The following PIP5K1B variants were observed in gnomAD, a reference collection of about 807,000 sequenced individuals.
PIP5K1B encodes the protein phosphatidylinositol 4-phosphate 5-kinase type-1 beta.
In PIP5K1B, 42 loss-of-function variants were observed where a neutral mutation model predicts 67.0. That is an observed-to-expected ratio of 0.63 (90% confidence interval 0.49 to 0.81). The LOEUF is 0.81. Among genes scored for constraint, PIP5K1B ranks in the 30% least tolerant of loss-of-function variants. PIP5K1B has a pLI of 0.00. For synonymous variants in PIP5K1B, 214 were observed against 231.4 expected (o/e 0.92, Z 0.68); for missense variants, 459 against 646.3 (o/e 0.71, Z 3.14).
intron 6 of PIP5K1B, among the ~76,000 whole-genome samples, chr9:68,886,661 AAG>A (rs1824492812): frequency 6.6e-6 from 1 of 152,222 alleles, no homozygotes; most frequent in African/African-American, 2.4e-5. Flanking sequence ...CGGAACCAGG[AAG>A]AGTTTTCCAG....
At chr9:68,948,374 C>T (rs1366143269) in intron 14 of PIP5K1B, among the ~76,000 whole-genome samples, 1 of 152,168 alleles carries the variant, frequency 6.6e-6, no homozygotes, top group Middle Eastern at 3.2e-3. Flanking sequence ...GCTCATGCCT[C>T]TAATCCCAGC....
chr9:68,916,855 G>A (rs1389962093), intron 8 of PIP5K1B, among the ~76,000 whole-genome samples: 2 of 150,390 alleles, frequency 1.3e-5, no homozygotes, highest in Non-Finnish European at 3.0e-5. Flanking sequence ...CTGGGCGACA[G>A]GGCGAGACTC....
At chr9:68,817,335 T>C (rs2132050525) in intron 2 of PIP5K1B, among the ~76,000 whole-genome samples, 1 of 152,362 alleles carries the variant, frequency 6.6e-6, no homozygotes, top group South Asian at 2.1e-4. Context: ...ATTCAAATAG[T>C]TAACATGCTT....
At chr9:68,803,812 A>T (rs1832727797) in intron 2 of PIP5K1B, among the ~76,000 whole-genome samples, 1 of 152,226 alleles carries the variant, frequency 6.6e-6, no homozygotes, top group Non-Finnish European at 1.5e-5. Flanking sequence ...TAGGCAAATG[A>T]CAGTGTTGGC....
At chr9:68,828,639 C>T (rs1482913176) in intron 4 of PIP5K1B, among the ~76,000 whole-genome samples, 1 of 152,172 alleles carries the variant, frequency 6.6e-6, no homozygotes, top group African/African-American at 2.4e-5. Context: ...GATAATAGCT[C>T]AGAGACACTT....
At chr9:68,725,947 A>C (rs1230232149) in intron 1 of PIP5K1B, among the ~76,000 whole-genome samples, 5 of 152,216 alleles carry the variant, frequency 3.3e-5, no homozygotes, top group Admixed American at 2.6e-4. Context: ...TACAAGGATG[A>C]TTAGTGTTTT....
chr9:68,741,990 G>A (rs780924064), intron 1 of PIP5K1B, among the ~76,000 whole-genome samples: 4 of 152,190 alleles, frequency 2.6e-5, no homozygotes, highest in African/African-American at 4.8e-5. Context: ...AATCTTAGCT[G>A]AGGTTAGAAG....
intron 1 of PIP5K1B, 171 bp downstream of exon 1, chr9:68,705,933 A>T (rs981891511): frequency 5.3e-5 from 8 of 151,970 alleles, no homozygotes; most frequent in Admixed American, 5.2e-4. Flanking sequence ...ACCGAAGCGG[A>T]CCTTCGTTCC....
intron 14 of PIP5K1B, among the ~76,000 whole-genome samples, chr9:68,953,805 TAAAAAAAAAAA>T (rs71353095): frequency 0.23 from 25,034 of 108,932 alleles, 2,441 homozygotes; most frequent in East Asian, 0.47. Flanking sequence ...GACTCTGTCT[TAAAAAAAAAAA>T]AAAAAAAAAA....
At chr9:68,718,573 G>A (rs574309143) in intron 1 of PIP5K1B, among the ~76,000 whole-genome samples, 2 of 152,312 alleles carry the variant, frequency 1.3e-5, no homozygotes, top group South Asian at 4.1e-4. Context: ...TGGGCAGGCT[G>A]TTTTACTTCT....
chr9:68,951,088 T>A (rs1490748823), intron 14 of PIP5K1B, among the ~76,000 whole-genome samples: 2 of 152,244 alleles, frequency 1.3e-5, no homozygotes, highest in African/African-American at 2.4e-5. Context: ...AAACTCTCCA[T>A]TCAGAATAAT....
intron 14 of PIP5K1B, chr9:68,964,006 C>T (rs2132767811): frequency 6.6e-6 from 1 of 152,142 alleles, no homozygotes; most frequent in East Asian, 1.9e-4. Flanking sequence ...CTTAATTTTC[C>T]CCCATCTCAC....
At position 68,705,646 on chromosome 9, in the gene PIP5K1B, G is replaced by T. The variant is rs1223011216; in HGVS notation, c.-359G>T. 3.8e-5 allele frequency: 2 copies of T among 52,478 alleles called. No individual in the cohort carries two copies. The allele number at this position is 52,478 out of a possible 1,614,324, so 3.3% of individuals were successfully genotyped here. On this transcript the variant is annotated 5_prime_UTR_variant, in exon 1 of 16. Transcript: ENST00000265382. The stretch of plus-strand genomic sequence containing the variant: ...CCCTCCCGCCCCTCCCGCCCCTCCC[G>T]CCCCTCGCCTGCACTGCTCTCCCTT...
At chr9:68,734,447 A>G (rs1053198452) in intron 1 of PIP5K1B, among the ~76,000 whole-genome samples, 1 of 152,234 alleles carries the variant, frequency 6.6e-6, no homozygotes, top group Non-Finnish European at 1.5e-5. Flanking sequence ...GGGAAGGACC[A>G]TAAGAACAAA....
intron 8 of PIP5K1B, among the ~76,000 whole-genome samples, chr9:68,898,916 A>G (rs1241568190): frequency 6.6e-6 from 1 of 152,186 alleles, no homozygotes; most frequent in Non-Finnish European, 1.5e-5. Context: ...CTGCTGCCAG[A>G]CTGATCCTCT....
At chr9:68,814,005 G>A (rs947626696) in intron 2 of PIP5K1B, among the ~76,000 whole-genome samples, 14 of 152,144 alleles carry the variant, frequency 9.2e-5, no homozygotes, top group African/African-American at 2.2e-4. Flanking sequence ...GATGAGGGAA[G>A]GCGCACAAAA....
chr9:68,781,200 G>A, intron 2 of PIP5K1B: 1 of 817,164 alleles, frequency 1.2e-6, no homozygotes, highest in Non-Finnish European at 1.9e-6. Flanking sequence ...GGTTCCTTTG[G>A]ATACCCTTGA....
intron 2 of PIP5K1B, among the ~76,000 whole-genome samples, chr9:68,761,039 G>GGA (rs143971905): frequency 2.7e-4 from 41 of 151,556 alleles, no homozygotes; most frequent in South Asian, 8.3e-4. Flanking sequence ...GAGAATAATT[G>GGA]GAGAGAGAGA....
At position 68,752,091 on chromosome 9, in the gene PIP5K1B, G is replaced by T. The variant is rs150445953; in HGVS notation, c.-86+9434G>T. 6.9e-3 allele frequency among the ~76,000 whole-genome samples: 1,046 copies of T among 151,920 alleles called. 11 individuals carry two copies. The highest frequency in any genetic ancestry group is 0.024 in the African/African-American group (988 of 41,416). On this transcript the variant is annotated intron_variant, in intron 2 of 15. Transcript: ENST00000265382. ...GTATATCCAACATGCTTGTTTTCTC[G>T]TTTATAAAATTCAGTTATTCCAACT...
Sources: allele counts gnomAD v4.1 joint callset (sites outside exome capture counted in the v4.1 genomes callset), GRCh38; gene constraint gnomAD v4.1.1; transcripts MANE v1.5; gene names NCBI Gene and HGNC (gene_info 2026-07-23, HGNC 2026-07-21).